PPP3CA: variants seen among roughly 807,000 people sequenced by gnomAD.
PPP3CA encodes protein phosphatase 3 catalytic subunit alpha.
In PPP3CA, 14 loss-of-function variants were observed where a neutral mutation model predicts 66.5. The ratio of observed to expected loss-of-function variants is 0.21; its 90% CI spans 0.14 to 0.33. PPP3CA has a LOEUF of 0.33. Among genes scored for constraint, PPP3CA ranks in the 10% least tolerant of loss-of-function variants. PPP3CA has a pLI of 1.00. For missense variants in PPP3CA, 317 were observed against 639.5 expected, an observed-to-expected ratio of 0.50 and a Z score of 5.44; for synonymous variants, 232 against 226.2, an observed-to-expected ratio of 1.03 and a Z score of -0.23.
intron 11 of PPP3CA, among the ~76,000 whole-genome samples, chr4:101,038,934 A>T (rs1727382450): frequency 6.6e-6 from 1 of 152,218 alleles, no homozygotes. Context: ...GGGTTCAAAT[A>T]GTCCATTTAT....
intron 6 of PPP3CA, among the ~76,000 whole-genome samples, chr4:101,087,991 T>C (rs1729743220): frequency 6.6e-6 from 1 of 152,128 alleles, no homozygotes; most frequent in Non-Finnish European, 1.5e-5. Flanking sequence ...CCCCAATGAC[T>C]CTGGTTGGAT....
At chr4:101,234,146 A>T (rs1381697254) in intron 1 of PPP3CA, among the ~76,000 whole-genome samples, 1 of 151,800 alleles carries the variant, frequency 6.6e-6, no homozygotes, top group African/African-American at 2.4e-5. Flanking sequence ...TCTGCCACTG[A>T]TAAGCATTTA....
intron 6 of PPP3CA, among the ~76,000 whole-genome samples, chr4:101,084,668 T>A (rs1358540410): frequency 3.3e-5 from 5 of 151,154 alleles, no homozygotes; most frequent in Non-Finnish European, 7.4e-5. Context: ...AAAGATAACA[T>A]ACAGTTATAG....
chr4:101,106,448 AGAAAG>A (rs761033785), intron 3 of PPP3CA, among the ~76,000 whole-genome samples: 3,105 of 11,340 alleles, frequency 0.27, 652 homozygotes, highest in South Asian at 0.51. Flanking sequence ...AAAGAAAGAA[AGAAAG>A]AGAAAAGAAA....
chr4:101,338,210 T>C (rs1320319126), intron 1 of PPP3CA, among the ~76,000 whole-genome samples: 1 of 152,140 alleles, frequency 6.6e-6, no homozygotes, highest in African/African-American at 2.4e-5. Flanking sequence ...GCACTCCCTA[T>C]GGGAAGGCCA....
chr4:101,290,198 T>C (rs1338119218), intron 1 of PPP3CA, among the ~76,000 whole-genome samples: 1 of 152,188 alleles, frequency 6.6e-6, no homozygotes, highest in African/African-American at 2.4e-5. Flanking sequence ...CTAAAGGATA[T>C]AACTGTTTCT....
At chr4:101,299,113 T>A (rs78568764) in intron 1 of PPP3CA, among the ~76,000 whole-genome samples, 2 of 86,826 alleles carry the variant, frequency 2.3e-5, no homozygotes, top group Admixed American at 3.2e-4. Flanking sequence ...ATCGTTTTTT[T>A]TTTTTTTTTT....
intron 1 of PPP3CA, among the ~76,000 whole-genome samples, chr4:101,272,739 A>T (rs997342534): frequency 6.6e-6 from 1 of 152,230 alleles, no homozygotes; most frequent in African/African-American, 2.4e-5. Flanking sequence ...GCACAGAGTA[A>T]GGAAGTGTTT....
chr4:101,027,205 A>G (rs900808537), intron 13 of PPP3CA, among the ~76,000 whole-genome samples: 1 of 151,962 alleles, frequency 6.6e-6, no homozygotes, highest in Non-Finnish European at 1.5e-5. Flanking sequence ...CTGCATCACC[A>G]TGGCTGATTA....
At chr4:101,124,705 GAAAGAAAGAAAGAAAGAAAGAGAAAGAA>G (rs1722153344) in intron 2 of PPP3CA, among the ~76,000 whole-genome samples, 55 of 96,764 alleles carry the variant, frequency 5.7e-4, no homozygotes, top group Middle Eastern at 4.6e-3. Context: ...AAGAAAGAAA[GAAAGAAAGAAAGAAAGAAAGAGAAAGAA>G]AGAAAGAAAG....
intron 2 of PPP3CA, among the ~76,000 whole-genome samples, chr4:101,157,155 G>A (rs986775683): frequency 6.6e-6 from 1 of 152,296 alleles, no homozygotes; most frequent in Non-Finnish European, 1.5e-5. Context: ...TTTGTCTGTG[G>A]TTGTTTTTCC....
chr4:101,063,139 TG>T, intron 9 of PPP3CA, 92 bp downstream of exon 9: 3 of 1,423,786 alleles, frequency 2.1e-6, no homozygotes, highest in Non-Finnish European at 2.8e-6. Flanking sequence ...TTTTATTGGC[TG>T]GGCCAAAGTT....
At chr4:101,084,595 A>G (rs370929243) in intron 6 of PPP3CA, among the ~76,000 whole-genome samples, 2 of 152,064 alleles carry the variant, frequency 1.3e-5, no homozygotes, top group East Asian at 3.9e-4. Context: ...GTGAGTCGAG[A>G]ACGCACCATT....
intron 1 of PPP3CA, among the ~76,000 whole-genome samples, chr4:101,248,150 T>C (rs1013459420): frequency 6.6e-6 from 1 of 152,170 alleles, no homozygotes; most frequent in African/African-American, 2.4e-5. Flanking sequence ...TTCCAAAAAG[T>C]TTTACTACAT....
At chr4:101,197,788 G>C (rs551051749) in intron 1 of PPP3CA, among the ~76,000 whole-genome samples, 13 of 152,214 alleles carry the variant, frequency 8.5e-5, no homozygotes, top group Non-Finnish European at 1.9e-4. Context: ...GAAACCTGAG[G>C]CTCAAAAATA....
At chr4:101,278,144 A>AAAAAAAAAT (rs1163329750) in intron 1 of PPP3CA, among the ~76,000 whole-genome samples, 1 of 145,174 alleles carries the variant, frequency 6.9e-6, no homozygotes, top group African/African-American at 2.6e-5. Context: ...AAAAAATAAA[A>AAAAAAAAAT]AAATTAAAAA....
intron 1 of PPP3CA, among the ~76,000 whole-genome samples, chr4:101,285,853 A>G (rs1210739052): frequency 6.6e-6 from 1 of 152,196 alleles, no homozygotes; most frequent in Non-Finnish European, 1.5e-5. Flanking sequence ...CTTTGCAGTC[A>G]TTCGACAAAA....
intron 1 of PPP3CA, among the ~76,000 whole-genome samples, chr4:101,306,104 T>C (rs914988965): frequency 1.3e-5 from 2 of 152,168 alleles, no homozygotes; most frequent in Non-Finnish European, 2.9e-5. Context: ...GAGCTAAAAA[T>C]TCCTTAGCAC....
chr4:101,314,566 A>C (rs1299303146), intron 1 of PPP3CA, among the ~76,000 whole-genome samples: 60 of 136,412 alleles, frequency 4.4e-4, no homozygotes, highest in African/African-American at 1.8e-3. Flanking sequence ...TCCATCTCAA[A>C]ACCAAAAAAA....
Sources: allele counts gnomAD v4.1 joint callset (sites outside exome capture counted in the v4.1 genomes callset), GRCh38; gene constraint gnomAD v4.1.1; transcripts MANE v1.5; gene names NCBI Gene and HGNC (gene_info 2026-07-23, HGNC 2026-07-21).